Variants in SPTB observed in about 807,000 individuals in gnomAD.
The protein encoded by SPTB is spectrin beta, erythrocytic.
Under a neutral mutation model 256.2 loss-of-function variants are expected in SPTB, and 45 were observed. The ratio of observed to expected loss-of-function variants is 0.18; its 90% CI spans 0.14 to 0.23. The LOEUF (loss-of-function observed/expected upper bound fraction) is 0.23, where lower values mean the gene tolerates loss of function less well. SPTB is among the 10% of genes least tolerant of loss of function. The pLI, the probability that SPTB is intolerant of heterozygous loss-of-function variation, is 1.00. For synonymous variants in SPTB, 1,231 were observed against 1,243.1 expected, an observed-to-expected ratio of 0.99 and a Z score of 0.21; for missense variants, 2,715 against 3,040.4, an observed-to-expected ratio of 0.89 and a Z score of 2.52.
At chr14:64,874,500 T>C (rs185914074) in intron 1 of SPTB, among the ~76,000 whole-genome samples, 105 of 152,344 alleles carry the variant, frequency 6.9e-4, no homozygotes, top group African/African-American at 2.4e-3. Context: ...TCTAACTCTC[T>C]ATGACTTATG....
In SPTB at chr14:64,773,226, G is replaced by A. The variant is rs148946306; in HGVS notation, c.5172C>T (p.His1724=). 9 of 1,614,102 alleles carry A rather than the reference G, an allele frequency of 5.6e-6. No individual in the cohort carries two copies. In the East Asian group the frequency reaches 6.7e-5, roughly 12 times the overall value. Reference sequence around the variant, plus strand: ...AGGAGTTGTGGCTACTCACAGTCACGTGGTCAAAGTCTTGCCCCATTTCCG... The same window carrying A: ...AGGAGTTGTGGCTACTCACAGTCACATGGTCAAAGTCTTGCCCCATTTCCG... ...SSPEMGQDFD[H]VTLLRDKFRD... Residue 1724 remains histidine, a synonymous_variant, in exon 25 of 36, where the codon CAC becomes CAT. Transcript: ENST00000644917.
intron 1 of SPTB, among the ~76,000 whole-genome samples, chr14:64,829,785 A>T (rs2083424766): frequency 6.6e-6 from 1 of 152,198 alleles, no homozygotes; most frequent in Non-Finnish European, 1.5e-5. Flanking sequence ...CTTAGGCACA[A>T]CTGGAACCTA....
At chr14:64,751,130 TATAC>T (rs2081944535) in intron 33 of SPTB, among the ~76,000 whole-genome samples, 3 of 147,464 alleles carry the variant, frequency 2.0e-5, no homozygotes, top group Non-Finnish European at 4.5e-5. Context: ...TTATATATAA[TATAC>T]ATATTTTTAG....
chr14:64,767,725 C>G lies in SPTB; in HGVS notation c.6157G>C (p.Ala2053Pro), dbSNP rs121918645. ...CAGCTGGCCGTGGACTTCTCAAAAG[C>G]CTCATGCCTCTTGATGAGCTTCTCC... ...SVEKLIKRHE[A>P]FEKSTASWAE... Residue 2053 changes from alanine to proline, a missense_variant, in exon 30 of 36, where the codon GCT becomes CCT. Physicochemically the swap from Ala to Pro is conservative, Grantham distance 27. Coordinates refer to ENST00000644917, the MANE Select transcript of SPTB (RefSeq NM_001355436.2). 4 of 1,614,110 alleles carry G rather than the reference C, an allele frequency of 2.5e-6. No homozygotes were observed. The African/African-American group carries it at 4.0e-5, about 16-fold the overall frequency.
At chr14:64,862,136 T>C (rs1401400675) in intron 1 of SPTB, among the ~76,000 whole-genome samples, 1 of 152,200 alleles carries the variant, frequency 6.6e-6, no homozygotes, top group African/African-American at 2.4e-5. Context: ...TGCTTCCCAC[T>C]TAACACAGTT....
intron 1 of SPTB, among the ~76,000 whole-genome samples, chr14:64,848,498 T>C (rs2083729050): frequency 6.6e-6 from 1 of 152,212 alleles, no homozygotes; most frequent in Non-Finnish European, 1.5e-5. Flanking sequence ...CATTTTCAGC[T>C]CATGGTTGAA....
rs149254824 is a variant in SPTB at position 64,775,835 on chromosome 14, C to G, written c.4564-432G>C. 2.0e-3 allele frequency among the ~76,000 whole-genome samples: 311 copies of G among 152,352 alleles called. No homozygotes were observed. Among genetic ancestry groups the G allele is most frequent in the African/African-American group, 7.3e-3 (305 of 41,592 alleles). On this transcript the variant is annotated intron_variant, in intron 22 of 35. Transcript: ENST00000644917. This position sits in a 1 kb window ranked among gnomAD's most constrained non-coding sequence, Gnocchi z 5.0. Reference sequence around the variant, plus strand: ...AGCTTTTGCAGGATTTATGCAGGATCATTTACGCAGGATACGCCCAACCCA... The same window carrying G: ...AGCTTTTGCAGGATTTATGCAGGATGATTTACGCAGGATACGCCCAACCCA...
chr14:64,863,552 C>T lies in SPTB; in HGVS notation c.-52+16240G>A, dbSNP rs139872000. ...TAGCCAATGACCTCTTTGTTTTCCA[C>T]GCAGCCTAGCATATAACAGGCAATA... On this transcript the variant is annotated intron_variant, in intron 1 of 35. Coordinates refer to ENST00000644917, the MANE Select transcript of SPTB (RefSeq NM_001355436.2). Among the ~76,000 whole-genome samples, 7 of 152,270 alleles carry T rather than the reference C, an allele frequency of 4.6e-5. No homozygotes were observed. In the South Asian group the frequency reaches 6.2e-4, roughly 14 times the overall value.
rs191624302 is a variant in SPTB, at chr14:64,876,289, C to T, written c.-52+3503G>A. Among the ~76,000 whole-genome samples, 216 of 152,130 alleles carry T rather than the reference C, an allele frequency of 1.4e-3. 1 individual carries two copies. Among genetic ancestry groups the T allele is most frequent in the Non-Finnish European group, 2.2e-3 (147 of 68,000 alleles). ...CCCGAGTAGCTGGGATTACAGGTGC[C>T]CACCACCACACCTGGCTAATTTTTG... is the stretch of plus-strand genomic sequence containing the variant. On this transcript the variant is annotated intron_variant, in intron 1 of 35. Transcript: ENST00000644917.
intron 1 of SPTB, among the ~76,000 whole-genome samples, chr14:64,869,418 T>A (rs1187926059): frequency 6.6e-6 from 1 of 152,078 alleles, no homozygotes; most frequent in African/African-American, 2.4e-5. Flanking sequence ...ACTGGCCACA[T>A]GATTCTTTAT....
In SPTB at chr14:64,781,556, C is replaced by A. The variant is rs2082471892; in HGVS notation, c.4266+734G>T. Among the ~76,000 whole-genome samples, 5 of 152,242 alleles carry A rather than the reference C, an allele frequency of 3.3e-5. No homozygotes were observed. The South Asian group carries it at 1.0e-3, about 32-fold the overall frequency. ...GTCAGAATGGCTATTATTAAAAAGTCAAAAAATAACAGACGCTGGCAAGGT... is the reference window on the plus strand; with the variant it reads ...GTCAGAATGGCTATTATTAAAAAGTAAAAAAATAACAGACGCTGGCAAGGT... On this transcript the variant is annotated intron_variant, in intron 20 of 35. Coordinates refer to ENST00000644917, the MANE Select transcript of SPTB (RefSeq NM_001355436.2).
At position 64,786,382 on chromosome 14, in the gene SPTB, C is replaced by A. The variant is rs982197684; in HGVS notation, c.3561+22G>T. ...TACTGCCCTGAGAGACCCGCCTGTC[C>A]CAGCCCTGAATGCCTCTCTACCTGG... On this transcript the variant is annotated intron_variant, in intron 16 of 35. Coordinates refer to ENST00000644917, the MANE Select transcript of SPTB (RefSeq NM_001355436.2). This position sits in a 1 kb window ranked among gnomAD's most constrained non-coding sequence, Gnocchi z 5.6. 2 of 1,613,816 alleles carry A rather than the reference C, an allele frequency of 1.2e-6. No individual in the cohort carries two copies. Among genetic ancestry groups the A allele is most frequent in the South Asian group, 1.1e-5 (1 of 91,078 alleles).
In SPTB at chr14:64,823,155, A is replaced by G; in HGVS notation, c.-51-10T>C. On this transcript the variant is annotated splice_polypyrimidine_tract_variant and intron_variant, in intron 1 of 35. Coordinates refer to ENST00000644917, the MANE Select transcript of SPTB (RefSeq NM_001355436.2). The surrounding 1 kb of genome is among the most constrained non-coding windows in gnomAD (Gnocchi z 6.5). ...CTTCATGGAAGGATCCCTGGGGGAC[A>G]GCAACACAGTCAGAGGGTTATCTCT... 2 of 1,602,554 alleles carry G rather than the reference A, an allele frequency of 1.2e-6. No individual in the cohort carries two copies. The highest frequency in any genetic ancestry group is 1.1e-5 in the South Asian group (1 of 90,790).
intron 32 of SPTB, chr14:64,754,129 G>C (rs552017975): frequency 4.6e-6 from 2 of 436,780 alleles, no homozygotes; most frequent in East Asian, 4.8e-5. Flanking sequence ...GGGGTGTGAG[G>C]GGGGGCAGGT....
rs773035277 is a variant in SPTB, at chr14:64,774,387, G to A, written c.4973+10C>T. 1.9e-6 allele frequency: 3 copies of A among 1,585,722 alleles called. No homozygotes were observed. Among genetic ancestry groups the A allele is most frequent in the African/African-American group, 2.7e-5 (2 of 74,366 alleles). On this transcript the variant is annotated intron_variant, in intron 24 of 35. Coordinates refer to ENST00000644917, the MANE Select transcript of SPTB (RefSeq NM_001355436.2). ...TCTCCTGACCGAGTCACCACAGGGG[G>A]CGCACGCACCCCTCAGGGTGGCCTG...
intron 32 of SPTB, 177 bp downstream of exon 32, chr14:64,766,549 A>G (rs897111595): frequency 1.3e-6 from 2 of 1,543,606 alleles, no homozygotes; most frequent in Non-Finnish European, 1.7e-6. Flanking sequence ...CTCATGAAGA[A>G]CACCTCAGTG....
Position 64,789,358 on chromosome 14 carries a change from A to AAATT in SPTB, c.2805-2202_2805-2199dup, listed in dbSNP as rs914328481. 1.9e-3 allele frequency among the ~76,000 whole-genome samples: 291 copies of AAATT among 152,290 alleles called. 2 individuals carry two copies. The highest frequency in any genetic ancestry group is 6.1e-3 in the African/African-American group (254 of 41,554). On this transcript the variant is annotated intron_variant, in intron 15 of 35. Transcript: ENST00000644917. Reference sequence around the variant, plus strand: ...TGGAGTGAGATTCTGTCTCTATAAAAAATTAATTAATTAATTAATAAAGAG... The same window carrying AAATT: ...TGGAGTGAGATTCTGTCTCTATAAAAAATTAATTAATTAATTAATTAATAAAGAG...
chr14:64,808,070 C>A (rs994662741), intron 2 of SPTB, among the ~76,000 whole-genome samples: 3 of 152,166 alleles, frequency 2.0e-5, no homozygotes, highest in African/African-American at 7.2e-5. Flanking sequence ...TGGAGTGCAG[C>A]GGCGCAATCT....
rs781573449 is a variant in SPTB at position 64,752,275 on chromosome 14, CCT to C, written c.6602+1260_6602+1261del. Reference sequence around the variant, plus strand: ...TCTGTTTCCTCCTCCTCTTCATCCTCCTCTTCTGTCTCCCTCCTCTCCTCTCC... The same window carrying C: ...TCTGTTTCCTCCTCCTCTTCATCCTCCTTCTGTCTCCCTCCTCTCCTCTCC... On this transcript the variant is annotated intron_variant, in intron 33 of 35. Transcript: ENST00000644917. 3.0e-6 allele frequency: 4 copies of C among 1,339,910 alleles called. No homozygotes were observed. The Admixed American group carries it at 7.8e-5, about 26-fold the overall frequency. The allele number at this position is 1,339,910 out of a possible 1,614,324, so 83.0% of individuals were successfully genotyped here. A position where few individuals can be genotyped will look rare whatever the true frequency, so the allele number is the denominator to read the frequency against.
Sources: allele counts gnomAD v4.1 joint callset (sites outside exome capture counted in the v4.1 genomes callset), GRCh38; gene constraint gnomAD v4.1.1; non-coding constraint Gnocchi (gnomAD v3.1); transcripts MANE v1.5; gene names NCBI Gene and HGNC (gene_info 2026-07-23, HGNC 2026-07-21).